Variants in PCDHA3 observed in about 807,000 individuals in gnomAD.
The protein encoded by PCDHA3 is protocadherin alpha-3.
A neutral mutation model predicts 62.2 loss-of-function variants in PCDHA3; 41 were observed. The observed-to-expected ratio is 0.66, with a 90% CI of 0.51 to 0.86. PCDHA3 has a LOEUF of 0.86. Among genes scored for constraint, PCDHA3 ranks in the 40% least tolerant of loss-of-function variants. PCDHA3 has a pLI of 0.00. For missense variants in PCDHA3, 1,304 were observed against 1,241.2 expected, an observed-to-expected ratio of 1.05 and a Z score of -0.76; for synonymous variants, 640 against 555.4, an observed-to-expected ratio of 1.15 and a Z score of -2.14.
At chr5:140,872,960 C>T (rs953236645) in intron 1 of PCDHA3, among the ~76,000 whole-genome samples, 10 of 152,142 alleles carry the variant, frequency 6.6e-5, no homozygotes, top group African/African-American at 2.4e-4. Context: ...GTAGTATCAT[C>T]CCATCTGAAG....
chr5:140,965,174 C>CT (rs1213439654), intron 1 of PCDHA3, among the ~76,000 whole-genome samples: 4 of 152,228 alleles, frequency 2.6e-5, no homozygotes, highest in Non-Finnish European at 2.9e-5. Flanking sequence ...TTAGTGAGTG[C>CT]TTTTTTTGCA....
chr5:140,849,133 C>T, intron 1 of PCDHA3: 2 of 1,357,922 alleles, frequency 1.5e-6, no homozygotes, highest in South Asian at 2.6e-5. Flanking sequence ...TTATTGCTCA[C>T]GGCCACCGAT....
intron 1 of PCDHA3, chr5:140,855,847 C>A: frequency 3.1e-6 from 2 of 652,288 alleles, no homozygotes; most frequent in Non-Finnish European, 2.6e-6. Context: ...CACCTAAAGC[C>A]ACCGGATGTC....
intron 1 of PCDHA3, among the ~76,000 whole-genome samples, chr5:140,831,824 C>G (rs1771719892): frequency 6.6e-6 from 1 of 152,140 alleles, no homozygotes; most frequent in African/African-American, 2.4e-5. Context: ...ATGATAAACA[C>G]TAGTTTCAAT....
intron 1 of PCDHA3, chr5:140,850,272 A>C: frequency 6.3e-7 from 1 of 1,594,726 alleles, no homozygotes; most frequent in Non-Finnish European, 8.6e-7. Context: ...AGTGGTGGGG[A>C]AGGTGCGCGC....
chr5:140,848,876 C>T (rs2150423222), intron 1 of PCDHA3: 4 of 1,590,940 alleles, frequency 2.5e-6, no homozygotes, highest in Admixed American at 1.7e-5. Context: ...AGGACATTAA[C>T]GACAACCCTC....
intron 1 of PCDHA3, among the ~76,000 whole-genome samples, chr5:140,932,779 G>T (rs556279743): frequency 3.9e-5 from 6 of 151,910 alleles, no homozygotes; most frequent in Non-Finnish European, 8.9e-5. Context: ...TAATTTGAGT[G>T]GACATAAGAG....
At chr5:140,901,407 G>T (rs2068648687) in intron 1 of PCDHA3, among the ~76,000 whole-genome samples, 2 of 152,130 alleles carry the variant, frequency 1.3e-5, no homozygotes, top group Non-Finnish European at 2.9e-5. Context: ...AGAGATAGGG[G>T]TCTAGTTTCA....
In PCDHA3 at chr5:141,011,225, A is replaced by G. The variant is rs962544716; in HGVS notation, c.*1288A>G. ...ATACAGTGAGCAGATTTTTCAATCT[A>G]CTAATTCTGTGACTTGTCTTGGTGT... On this transcript the variant is annotated 3_prime_UTR_variant, in exon 4 of 4. Transcript: ENST00000522353. 6.5e-6 allele frequency: 1 copy of G among 153,740 alleles called. No homozygotes were observed. Among genetic ancestry groups the G allele is most frequent in the South Asian group, 2.1e-4 (1 of 4,826 alleles). The allele number at this position is 153,740 out of a possible 1,614,324, so 9.5% of individuals were successfully genotyped here.
intron 1 of PCDHA3, chr5:140,857,535 G>A (rs1413308998): frequency 1.9e-6 from 3 of 1,597,418 alleles, no homozygotes; most frequent in Non-Finnish European, 2.6e-6. Flanking sequence ...CTGGTGGAGC[G>A]GCGGTTGGGC....
At chr5:140,872,588 C>G (rs995645358) in intron 1 of PCDHA3, among the ~76,000 whole-genome samples, 4 of 151,876 alleles carry the variant, frequency 2.6e-5, no homozygotes, top group African/African-American at 2.4e-5. Context: ...CATCGTGAGA[C>G]CCCCATCTGA....
In PCDHA3 at chr5:140,928,040, GC is replaced by G. The variant is rs782389793; in HGVS notation, c.2395-50906del. The G allele has an allele frequency of 2.1e-4, 337 of 1,614,060 alleles. 1 individual carries two copies. Among genetic ancestry groups the G allele is most frequent in the Non-Finnish European group, 2.6e-4 (309 of 1,180,038 alleles). ...GTCATTTGTGGCATGTCTAGTGCAG[GC>G]CCTTTTCAGCTGACGGCTTCCTTTG... is the stretch of plus-strand genomic sequence containing the variant. On this transcript the variant is annotated intron_variant, in intron 1 of 3. Coordinates refer to ENST00000522353, the MANE Select transcript of PCDHA3 (RefSeq NM_018906.3).
chr5:140,875,254 T>C, intron 1 of PCDHA3: 1 of 1,054,680 alleles, frequency 9.5e-7, no homozygotes, highest in Non-Finnish European at 1.3e-6. Flanking sequence ...ATCAGTCACA[T>C]GATGTCGCTC....
chr5:140,915,665 G>A (rs1208319882), intron 1 of PCDHA3, among the ~76,000 whole-genome samples: 1 of 149,092 alleles, frequency 6.7e-6, no homozygotes, highest in African/African-American at 2.5e-5. Context: ...TCAAGGTGCT[G>A]GGCCATCTTG....
At chr5:140,875,560 C>T (rs1554167756) in intron 1 of PCDHA3, 2 of 1,614,124 alleles carry the variant, frequency 1.2e-6, no homozygotes, top group Admixed American at 3.3e-5. Flanking sequence ...GGGGAGCGGC[C>T]AGCTCCACTA....
chr5:140,901,681 T>C (rs144868677), intron 1 of PCDHA3, among the ~76,000 whole-genome samples: 8 of 152,316 alleles, frequency 5.3e-5, no homozygotes, highest in African/African-American at 1.7e-4. Context: ...TTAGGTATTA[T>C]GGGTATTTTG....
intron 1 of PCDHA3, chr5:140,853,353 C>T: frequency 1.0e-6 from 1 of 981,690 alleles, no homozygotes; most frequent in Non-Finnish European, 1.2e-6. Context: ...AACATGAACT[C>T]ACAGGGATCC....
chr5:140,816,713 T>C (rs1414533262), intron 1 of PCDHA3: 2 of 152,204 alleles, frequency 1.3e-5, no homozygotes, highest in African/African-American at 4.8e-5. Context: ...CTAGAGATTC[T>C]AGGGACCTCT....
chr5:140,944,317 A>G (rs2093641596), intron 1 of PCDHA3, among the ~76,000 whole-genome samples: 2 of 152,090 alleles, frequency 1.3e-5, no homozygotes. Flanking sequence ...CCTCCTGAGT[A>G]GCTGGGATTA....
Sources: allele counts gnomAD v4.1 joint callset (sites outside exome capture counted in the v4.1 genomes callset), GRCh38; gene constraint gnomAD v4.1.1; transcripts MANE v1.5; gene names NCBI Gene and HGNC (gene_info 2026-07-23, HGNC 2026-07-21).